Variants in OVGP1 observed in about 807,000 individuals in gnomAD.
The protein encoded by OVGP1 is oviductal glycoprotein 1, also known as oviduct-specific glycoprotein.
In OVGP1, 26 loss-of-function variants were observed where a neutral mutation model predicts 48.2. That is an observed-to-expected ratio of 0.54 (90% CI 0.40 to 0.75). The LOEUF is 0.75. Among genes scored for constraint, OVGP1 ranks in the 30% least tolerant of loss-of-function variants. The pLI is 0.00. For synonymous variants in OVGP1, 294 were observed against 305.7 expected, an observed-to-expected ratio of 0.96 and a Z score of 0.40; for missense variants, 791 against 820.6, an observed-to-expected ratio of 0.96 and a Z score of 0.44.
chr1:111,421,288 CAAGA>C lies in OVGP1; in HGVS notation c.887_890del (p.Phe296TrpfsTer48), dbSNP rs1557783469. On this transcript the variant is annotated frameshift_variant, in exon 8 of 11. Transcript: ENST00000369732. LOFTEE classifies it high-confidence loss of function. ...ATATTCCCATCACCTCAAAATAAGC[CAAGA>C]AGCCTTCTTGCTTGGTGTACTTCCC... The C allele has an allele frequency of 1.2e-6, 2 of 1,605,380 alleles. No homozygotes were observed. Among genetic ancestry groups the C allele is most frequent in the Non-Finnish European group, 1.7e-6 (2 of 1,176,438 alleles).
rs1472857533 is a variant in OVGP1 at position 111,414,584 on chromosome 1, G to A, written c.1917C>T (p.Asp639=). Residue 639 remains aspartate (D), a synonymous_variant, in exon 11 of 11, where the codon GAC becomes GAT. Coordinates refer to ENST00000369732, the MANE Select transcript of OVGP1 (RefSeq NM_002557.4). ...TTCCATAGATGGGAACAAAGCGGTTGTCAAAAGCTAGAGGAGTTTGTTCCG... is the reference window on the plus strand; with the variant it reads ...TTCCATAGATGGGAACAAAGCGGTTATCAAAAGCTAGAGGAGTTTGTTCCG... ...QLPEQTPLAF[D]NRFVPIYGNH... The A allele has an allele frequency of 1.9e-6, 3 of 1,614,092 alleles. No individual in the cohort carries two copies. The African/African-American group carries it at 4.0e-5, about 22-fold the overall frequency.
At chr1:111,424,301 A>G (rs756688500) in intron 4 of OVGP1, among the ~76,000 whole-genome samples, 4 of 151,962 alleles carry the variant, frequency 2.6e-5, no homozygotes. Flanking sequence ...ATATTTTTCT[A>G]TTTTACTTGT....
At chr1:111,425,591 G>A in intron 3 of OVGP1, 152 bp from the exon 4 acceptor site, 2 of 1,383,478 alleles carry the variant, frequency 1.4e-6, no homozygotes, top group Non-Finnish European at 2.0e-6. Context: ...TAGAAGGAGA[G>A]AGATGATGAG....
chr1:111,414,821 A>C lies in OVGP1; in HGVS notation c.1680T>G (p.Asn560Lys), dbSNP rs1652082068. The C allele has an allele frequency of 6.3e-7, 1 of 1,596,410 alleles. No homozygotes were observed. Among genetic ancestry groups the C allele is most frequent in the African/African-American group, 1.3e-5 (1 of 74,488 alleles). ...CAGCCTTCCTTCTAGGGGCCACTGT[A>C]TTCTGTCTAAGGGTCTCAGTCTGAA... The part of the protein sequence containing the change: ...VHFQTETLRQ[N>K]TVAPRRKAVA... Residue 560 changes from asparagine (N) to lysine (K), a missense_variant, in exon 11 of 11, where the codon AAT becomes AAG. Physicochemically the swap from Asn to Lys is moderately conservative, Grantham distance 94. Transcript: ENST00000369732.
chr1:111,415,353 A>G lies in OVGP1; in HGVS notation c.1157-9T>C. 1 of 1,595,722 alleles carries G rather than the reference A, an allele frequency of 6.3e-7. No homozygotes were observed. Reference sequence around the variant, plus strand: ...AGAAGTTGAACTGAACTCTAGAGAAAATCAACAGAAAAGAATGAGATTCCT... The same window carrying G: ...AGAAGTTGAACTGAACTCTAGAGAAGATCAACAGAAAAGAATGAGATTCCT... On this transcript the variant is annotated splice_polypyrimidine_tract_variant and intron_variant, in intron 10 of 10. Coordinates refer to ENST00000369732, the MANE Select transcript of OVGP1 (RefSeq NM_002557.4).
intron 8 of OVGP1, among the ~76,000 whole-genome samples, chr1:111,420,201 T>C (rs1361851): frequency 0.13 from 19,491 of 152,196 alleles, 2,232 homozygotes; most frequent in African/African-American, 0.3. Flanking sequence ...TAGGTTGCTA[T>C]AAATAATTAA....
At chr1:111,422,509 G>T (rs914733631) in intron 6 of OVGP1, among the ~76,000 whole-genome samples, 1 of 152,184 alleles carries the variant, frequency 6.6e-6, no homozygotes, top group African/African-American at 2.4e-5. Context: ...TACTGGATGT[G>T]ACTGGGCATT....
chr1:111,417,958 A>T (rs1379282285), intron 9 of OVGP1, among the ~76,000 whole-genome samples: 1 of 152,160 alleles, frequency 6.6e-6, no homozygotes, highest in Non-Finnish European at 1.5e-5. Context: ...TGGGAAGGGG[A>T]CTTTCACAAT....
chr1:111,421,636 G>T lies in OVGP1; in HGVS notation c.646C>A (p.His216Asn). The T allele has an allele frequency of 6.2e-7, 1 of 1,612,572 alleles. No homozygotes were observed. The highest frequency in any genetic ancestry group is 8.5e-7 in the Non-Finnish European group (1 of 1,178,528). The change falls in exon 7 of 11, where the codon CAT becomes AAT. Residue 216 changes from histidine (H) to asparagine (N), a missense_variant. His to Asn is a moderately conservative substitution (Grantham distance 68). Coordinates refer to ENST00000369732, the MANE Select transcript of OVGP1 (RefSeq NM_002557.4). Reference sequence around the variant, plus strand: ...CCTGTGAACCTTTCCCAACTTCCATGTAAGTCATAAGACAAGACATTGATG... The same window carrying T: ...CCTGTGAACCTTTCCCAACTTCCATTTAAGTCATAAGACAAGACATTGATG... ...DFINVLSYDL[H>N]GSWERFTGHN...
intron 3 of OVGP1, 127 bp downstream of exon 3, chr1:111,426,309 AC>A: frequency 7.6e-7 from 1 of 1,313,542 alleles, no homozygotes; most frequent in Non-Finnish European, 1.0e-6. Flanking sequence ...GGTGCTCTGG[AC>A]CCCTATTTGA....
chr1:111,422,625 G>A (rs776634384), intron 6 of OVGP1, among the ~76,000 whole-genome samples: 1 of 152,274 alleles, frequency 6.6e-6, no homozygotes, highest in East Asian at 1.9e-4. Context: ...AAAGAGGACA[G>A]GCCCCTGGGA....
rs144388714 is a variant in OVGP1, at chr1:111,425,810, A to G, written c.261-371T>C. On this transcript the variant is annotated intron_variant, in intron 3 of 10. Transcript: ENST00000369732. ...TGCCATTTACTGCTTTAGGCACTTTAGAACAAAGAACAACACAGATAAGCT... is the reference window on the plus strand; with the variant it reads ...TGCCATTTACTGCTTTAGGCACTTTGGAACAAAGAACAACACAGATAAGCT... 4.4e-4 allele frequency among the ~76,000 whole-genome samples: 67 copies of G among 152,384 alleles called. No homozygotes were observed. The East Asian group carries it at 0.012, about 28-fold the overall frequency.
chr1:111,424,871 T>C (rs1652359015), intron 4 of OVGP1, among the ~76,000 whole-genome samples: 1 of 152,234 alleles, frequency 6.6e-6, no homozygotes, highest in African/African-American at 2.4e-5. Context: ...CAGTTTGTAA[T>C]CTCCACGTTG....
At chr1:111,423,417 A>C (rs1355830905) in intron 5 of OVGP1, 126 bp downstream of exon 5, 8 of 1,031,048 alleles carry the variant, frequency 7.8e-6, no homozygotes, top group Admixed American at 5.1e-5. Context: ...AGGGGTTCAC[A>C]GTAAAAGAAC....
rs1652098435 is a variant in OVGP1, at chr1:111,415,108, C to T, written c.1393G>A (p.Val465Ile). The T allele has an allele frequency of 6.2e-7, 1 of 1,614,188 alleles. No individual in the cohort carries two copies. The change falls in exon 11 of 11, where the codon GTA (valine) becomes ATA (isoleucine). Residue 465 changes from valine to isoleucine, a missense_variant. Transcript: ENST00000369732. ...KETVSLGKHT[V>I]ALGEKTEITG... is the part of the protein sequence containing the mutation. Reference sequence around the variant, plus strand: ...ATCTCAGTCTTCTCTCCTAGAGCTACAGTGTGCTTTCCAAGGGATACAGTT... The same window carrying T: ...ATCTCAGTCTTCTCTCCTAGAGCTATAGTGTGCTTTCCAAGGGATACAGTT...
At chr1:111,416,552 T>G in intron 9 of OVGP1, 94 bp from the exon 10 acceptor site, 1 of 1,142,978 alleles carries the variant, frequency 8.7e-7, no homozygotes, top group African/African-American at 1.5e-5. Context: ...CAGGAAGCAA[T>G]GTAGCTGGGT....
intron 1 of OVGP1, 38 bp downstream of exon 1, chr1:111,427,659 C>T (rs1211413750): frequency 6.2e-7 from 1 of 1,611,416 alleles, no homozygotes; most frequent in African/African-American, 1.3e-5. Flanking sequence ...CTGGCACTTC[C>T]TGGACTGAGT....
In OVGP1 at chr1:111,414,543, T is replaced by G. The variant is rs774652408; in HGVS notation, c.1958A>C (p.Asn653Thr). 2 of 1,614,074 alleles carry G rather than the reference T, an allele frequency of 1.2e-6. No individual in the cohort carries two copies. The change falls in exon 11 of 11, where the codon AAC (asparagine) becomes ACC (threonine). Residue 653 changes from asparagine (N) to threonine (T), a missense_variant. Transcript: ENST00000369732. ...VPIYGNHSSV[N>T]SVTPQTSPLS... ...AGGACTTGTTTGAGGGGTTACTGAG[T>G]TGACAGAGGAATGGTTTCCATAGAT... is the stretch of plus-strand genomic sequence containing the variant.
At chr1:111,416,301 C>T (rs1452936588) in intron 10 of OVGP1, 22 bp downstream of exon 10, 3 of 1,544,610 alleles carry the variant, frequency 1.9e-6, no homozygotes, top group East Asian at 2.4e-5. Flanking sequence ...CCAACCCCAG[C>T]TTCTAGGTCA....
Sources: allele counts gnomAD v4.1 joint callset (sites outside exome capture counted in the v4.1 genomes callset), GRCh38; gene constraint gnomAD v4.1.1; transcripts MANE v1.5; gene names NCBI Gene and HGNC (gene_info 2026-07-23, HGNC 2026-07-21).